PTPN14: variants seen among roughly 807,000 people sequenced by gnomAD.
PTPN14 encodes the protein protein tyrosine phosphatase non-receptor type 14.
PTPN14 carries 53 observed loss-of-function variants against 126.8 expected under a neutral mutation model. The observed-to-expected ratio is 0.42, with a 90% CI of 0.34 to 0.53. PTPN14 has a LOEUF of 0.53. Ranked by LOEUF, PTPN14 falls within the 20% of genes least tolerant of loss-of-function variation. The probability of loss-of-function intolerance (pLI) is 0.08; values close to 1 mark genes in which losing one functional copy is unlikely to be tolerated. For synonymous variants in PTPN14, 630 were observed against 599.3 expected (o/e 1.05, Z -0.75); for missense variants, 1,257 against 1,552.9 (o/e 0.81, Z 3.20).
At chr1:214,473,233 C>T (rs1660799687) in intron 1 of PTPN14, among the ~76,000 whole-genome samples, 1 of 152,180 alleles carries the variant, frequency 6.6e-6, no homozygotes, top group African/African-American at 2.4e-5. Context: ...GCAAGTAAAT[C>T]TTTAAATATG....
rs1417428507 is a variant in PTPN14 at position 214,369,668 on chromosome 1, G to A, written c.3060C>T (p.His1020=). 1.2e-6 allele frequency: 2 copies of A among 1,614,190 alleles called. No homozygotes were observed. The highest frequency in any genetic ancestry group is 1.7e-6 in the Non-Finnish European group (2 of 1,180,022). The change falls in exon 17 of 19, where the codon CAC becomes CAT. Residue 1020 remains histidine (H), a synonymous_variant. Coordinates refer to ENST00000366956, the MANE Select transcript of PTPN14 (RefSeq NM_005401.5). ...TTGAACCTAGTTTGGGCCAGTATCG[G>A]TGGCTTTTGGTTCGTCCACCCTCCT... The part of the protein sequence containing the change: ...AEEEGGRTKS[H]RYWPKLGSKH...
chr1:214,445,272 T>A (rs1660117942), intron 3 of PTPN14, among the ~76,000 whole-genome samples: 1 of 152,108 alleles, frequency 6.6e-6, no homozygotes, highest in Non-Finnish European at 1.5e-5. Flanking sequence ...GAACAGGTCC[T>A]GTGGGCCTGA....
chr1:214,456,207 A>G (rs1660378540), intron 2 of PTPN14, among the ~76,000 whole-genome samples: 1 of 152,214 alleles, frequency 6.6e-6, no homozygotes, highest in African/African-American at 2.4e-5. Context: ...TTGAAGAGTT[A>G]CTCATCCAGA....
Position 214,358,133 on chromosome 1 carries a change from C to T in PTPN14, c.3436-83G>A, listed in dbSNP as rs1040181958. 1.1e-5 allele frequency: 17 copies of T among 1,514,964 alleles called. No individual in the cohort carries two copies. In the African/African-American group the frequency reaches 1.9e-4, roughly 17 times the overall value. The allele number at this position is 1,514,964 out of a possible 1,614,324, so 93.8% of individuals were successfully genotyped here. ...TCCTCATTCCCTCATTCAGGAAGCA[C>T]TCACCCACTGCCCATGTCCAGGTAC... On this transcript the variant is annotated intron_variant, in intron 18 of 18. Transcript: ENST00000366956.
intron 4 of PTPN14, among the ~76,000 whole-genome samples, chr1:214,412,439 G>C (rs947521989): frequency 6.6e-6 from 1 of 152,112 alleles, no homozygotes; most frequent in Admixed American, 6.6e-5. Flanking sequence ...AGAGATATAG[G>C]ATGAGAGGAT....
chr1:214,492,250 C>G (rs1473813557), intron 1 of PTPN14, among the ~76,000 whole-genome samples: 2 of 151,992 alleles, frequency 1.3e-5, no homozygotes, highest in Non-Finnish European at 2.9e-5. Flanking sequence ...TCCCTGCCCC[C>G]CAAAAGGCAG....
chr1:214,377,457 G>C (rs3013452), intron 14 of PTPN14, among the ~76,000 whole-genome samples: 124,218 of 152,086 alleles, frequency 0.82, 51,367 homozygotes, highest in African/African-American at 0.94. Context: ...GAAATAATAC[G>C]TACAACAAAC....
At chr1:214,528,810 A>C (rs1028943338) in intron 1 of PTPN14, 1 of 152,210 alleles carries the variant, frequency 6.6e-6, no homozygotes, top group Non-Finnish European at 1.5e-5. Flanking sequence ...ATATGCCTAT[A>C]ATCCCAGCTA....
Position 214,364,817 on chromosome 1 carries a change from A to G in PTPN14, c.3272-142T>C. 1 of 678,568 alleles carries G rather than the reference A, an allele frequency of 1.5e-6. No individual in the cohort carries two copies. The highest frequency in any genetic ancestry group is 2.2e-6 in the Non-Finnish European group (1 of 458,328). The allele number at this position is 678,568 out of a possible 1,614,324, so 42.0% of individuals were successfully genotyped here. On this transcript the variant is annotated intron_variant, in intron 17 of 18. Coordinates refer to ENST00000366956, the MANE Select transcript of PTPN14 (RefSeq NM_005401.5). This position sits in a 1 kb window ranked among gnomAD's most constrained non-coding sequence, Gnocchi z 4.1. ...TGTGTGTGTGTGTGTTTTAAGTGACAATAATTTATAGTTCTTACAAGACAC... is the reference window on the plus strand; with the variant it reads ...TGTGTGTGTGTGTGTTTTAAGTGACGATAATTTATAGTTCTTACAAGACAC...
In PTPN14 at chr1:214,383,719, C is replaced by G; in HGVS notation, c.2136G>C (p.Glu712Asp). 6.2e-7 allele frequency: 1 copy of G among 1,613,326 alleles called. No homozygotes were observed. Among genetic ancestry groups the G allele is most frequent in the African/African-American group, 1.3e-5 (1 of 74,888 alleles). Residue 712 changes from glutamate to aspartate, a missense_variant, in exon 13 of 19, where the codon GAG (glutamate) becomes GAC (aspartate). Around this residue, in one of 3 missense-constraint regions of PTPN14, gnomAD observed 1,021 missense variants for 1,183.3 expected, o/e 0.86. Transcript: ENST00000366956. This position sits in a 1 kb window ranked among gnomAD's most constrained non-coding sequence, Gnocchi z 4.4. ...TMLIHSSESE[E>D]EEEEAPESVP... ...CCGATTCTGGAGCCTCCTCCTCCTC[C>G]TCCTCACTCTCGCTGCTGTGGATTA...
rs1263580413 is a variant in PTPN14, at chr1:214,383,107, A to C, written c.2544+204T>G. On this transcript the variant is annotated intron_variant, in intron 13 of 18. Coordinates refer to ENST00000366956, the MANE Select transcript of PTPN14 (RefSeq NM_005401.5). This position sits in a 1 kb window ranked among gnomAD's most constrained non-coding sequence, Gnocchi z 4.4. Reference sequence around the variant, plus strand: ...CTGGCCTCAATAACGTACCAAGTACACCTGTTAGAAGCCACAAATGAGAAT... The same window carrying C: ...CTGGCCTCAATAACGTACCAAGTACCCCTGTTAGAAGCCACAAATGAGAAT... 4.6e-5 allele frequency among the ~76,000 whole-genome samples: 7 copies of C among 152,260 alleles called. No homozygotes were observed.
intron 15 of PTPN14, 81 bp downstream of exon 15, chr1:214,376,138 C>T: frequency 7.7e-7 from 1 of 1,306,358 alleles, no homozygotes. Context: ...ACAACTGCAG[C>T]CCACACATTT....
chr1:214,434,429 G>A (rs759847006), intron 3 of PTPN14, among the ~76,000 whole-genome samples: 1 of 151,776 alleles, frequency 6.6e-6, no homozygotes, highest in Non-Finnish European at 1.5e-5. Context: ...CAAAATCAAC[G>A]ATGGACATGC....
chr1:214,413,079 G>C (rs189815546), intron 4 of PTPN14, among the ~76,000 whole-genome samples: 2 of 152,182 alleles, frequency 1.3e-5, no homozygotes, highest in African/African-American at 4.8e-5. Flanking sequence ...GTCTCGTTTT[G>C]TTGCCCAGGG....
At chr1:214,373,703 A>T (rs891425323) in intron 15 of PTPN14, among the ~76,000 whole-genome samples, 9 of 150,240 alleles carry the variant, frequency 6.0e-5, no homozygotes, top group Non-Finnish European at 4.5e-5. Context: ...AAACAATAAA[A>T]AAAAAAAAAA....
At chr1:214,483,953 G>C (rs1332976126) in intron 1 of PTPN14, among the ~76,000 whole-genome samples, 1 of 152,212 alleles carries the variant, frequency 6.6e-6, no homozygotes, top group Non-Finnish European at 1.5e-5. Context: ...GTTCTCACCA[G>C]AGAAAGACCC....
Position 214,414,626 on chromosome 1 carries a change from T to C in PTPN14, c.442+3A>G, listed in dbSNP as rs914640686. ...TCACATGCTGCTCATAACTATGTCTTACCTTGCACAGCTAGGCCGGCTAGC... is the reference window on the plus strand; with the variant it reads ...TCACATGCTGCTCATAACTATGTCTCACCTTGCACAGCTAGGCCGGCTAGC... On this transcript the variant is annotated splice_donor_region_variant and intron_variant, in intron 4 of 18. Coordinates refer to ENST00000366956, the MANE Select transcript of PTPN14 (RefSeq NM_005401.5). The C allele has an allele frequency of 1.2e-6, 2 of 1,610,880 alleles. No individual in the cohort carries two copies. The highest frequency in any genetic ancestry group is 1.7e-6 in the Non-Finnish European group (2 of 1,177,032).
intron 1 of PTPN14, among the ~76,000 whole-genome samples, chr1:214,505,019 G>T (rs746418423): frequency 1.9e-4 from 29 of 152,140 alleles, no homozygotes; most frequent in Admixed American, 3.9e-4. Context: ...AAAAGTAGAT[G>T]AATTCTGTCT....
At chr1:214,433,999 G>A (rs1659856861) in intron 3 of PTPN14, among the ~76,000 whole-genome samples, 1 of 149,940 alleles carries the variant, frequency 6.7e-6, no homozygotes, top group South Asian at 2.1e-4. Flanking sequence ...AGGCATGGTG[G>A]TGCATGCCTG....
Sources: gnomAD v4.1 joint callset for allele counts (sites outside exome capture counted in the v4.1 genomes callset) on GRCh38, gnomAD v4.1.1 for gene constraint, gnomAD v4.1.1 regional missense constraint, Gnocchi (gnomAD v3.1) non-coding constraint, MANE v1.5 for transcripts, NCBI Gene and HGNC (gene_info 2026-07-23, HGNC 2026-07-21) for gene names.